Variants in RIMS3 observed in about 807,000 individuals in gnomAD.
The protein encoded by RIMS3 is regulating synaptic membrane exocytosis protein 3.
In RIMS3, 15 loss-of-function variants were observed where a neutral mutation model predicts 29.2. The ratio of observed to expected loss-of-function variants is 0.51; its 90% confidence interval spans 0.34 to 0.79. RIMS3 has a LOEUF of 0.79. RIMS3 is among the 30% of genes least tolerant of loss of function. The probability of loss-of-function intolerance (pLI) is 0.01; values close to 1 mark genes in which losing one functional copy is unlikely to be tolerated. For missense variants in RIMS3, 342 were observed against 421.4 expected (o/e 0.81, Z 1.65); for synonymous variants, 161 against 170.1 (o/e 0.95, Z 0.41).
the RIMS3 span, among the ~76,000 whole-genome samples, chr1:40,689,048 T>C: frequency 2.0e-5 from 3 of 152,212 alleles, no homozygotes; most frequent in South Asian, 2.1e-4. Context: ...GCTAGCATGT[T>C]ATGCTGCAGT....
chr1:40,673,895 C>T, the RIMS3 span, among the ~76,000 whole-genome samples: 1 of 152,088 alleles, frequency 6.6e-6, no homozygotes, highest in Admixed American at 6.6e-5. Flanking sequence ...GTGCTGGCAT[C>T]ACAGGGGAGT....
At chr1:40,678,688 C>A in the RIMS3 span, among the ~76,000 whole-genome samples, 1 of 152,228 alleles carries the variant, frequency 6.6e-6, no homozygotes, top group Admixed American at 6.5e-5. Flanking sequence ...TTTCCCTGTG[C>A]TTGCTCCAGA....
Position 40,641,930 on chromosome 1 carries a change from C to A in RIMS3, c.-5G>T. The A allele has an allele frequency of 6.2e-7, 1 of 1,612,666 alleles. No homozygotes were observed. Among genetic ancestry groups the A allele is most frequent in the Non-Finnish European group, 8.5e-7 (1 of 1,179,306 alleles). On this transcript the variant is annotated 5_prime_UTR_variant, in exon 3 of 8. Transcript: ENST00000372684. ...ACCTGGCTCCCCGTTAAACATGGTC[C>A]CCGGGGTGGCAGGGCCTCAGGCAGC...
At chr1:40,630,328 G>A (rs1365740201) in intron 5 of RIMS3, among the ~76,000 whole-genome samples, 1 of 152,126 alleles carries the variant, frequency 6.6e-6, no homozygotes, top group Non-Finnish European at 1.5e-5. Context: ...CTGATTTCTA[G>A]GAACTCTTAG....
At chr1:40,637,967 G>T (rs1354903487) in intron 3 of RIMS3, among the ~76,000 whole-genome samples, 1 of 152,078 alleles carries the variant, frequency 6.6e-6, no homozygotes, top group Non-Finnish European at 1.5e-5. Flanking sequence ...AGCCTGAGTT[G>T]GGGTCACCTC....
chr1:40,623,147 C>G lies in RIMS3; in HGVS notation c.*3370G>C. 1 of 345,290 alleles carries G rather than the reference C, an allele frequency of 2.9e-6. No individual in the cohort carries two copies. The highest frequency in any genetic ancestry group is 5.2e-6 in the Non-Finnish European group (1 of 192,692). 21.4% of individuals were successfully genotyped at this position (345,290 alleles called of 1,614,324 possible). ...TTCTTGGAGCTCCTGGGTTCTGCCTCAGCCCCCATGAAATGCTGGCATTGC... is the reference window on the plus strand; with the variant it reads ...TTCTTGGAGCTCCTGGGTTCTGCCTGAGCCCCCATGAAATGCTGGCATTGC... On this transcript the variant is annotated 3_prime_UTR_variant, in exon 8 of 8. Transcript: ENST00000372684.
At chr1:40,666,286 C>T (rs975052353), upstream of RIMS3, among the ~76,000 whole-genome samples, 5 of 152,132 alleles carry the variant, frequency 3.3e-5, no homozygotes, top group African/African-American at 1.2e-4. Context: ...ATTTTGCCCC[C>T]CAGGGAACAT....
chr1:40,650,424 TG>T (rs2148355286), intron 1 of RIMS3, among the ~76,000 whole-genome samples: 1 of 152,318 alleles, frequency 6.6e-6, no homozygotes, highest in South Asian at 2.1e-4. Flanking sequence ...TCCCATTTCC[TG>T]CAGGACAAAG....
Position 40,623,567 on chromosome 1 carries a change from C to T in RIMS3, c.*2950G>A, listed in dbSNP as rs907851431. The T allele has an allele frequency of 7.5e-6, 3 of 398,562 alleles. No homozygotes were observed. Among genetic ancestry groups the T allele is most frequent in the African/African-American group, 6.2e-5 (3 of 48,622 alleles). The allele number at this position is 398,562 out of a possible 1,614,324, so 24.7% of individuals were successfully genotyped here. A position where few individuals can be genotyped will look rare whatever the true frequency, so the allele number is the denominator to read the frequency against. On this transcript the variant is annotated 3_prime_UTR_variant, in exon 8 of 8. Coordinates refer to ENST00000372684, the MANE Select transcript of RIMS3 (RefSeq NM_014747.3). Reference sequence around the variant, plus strand: ...TCCTGTAACCACTGCAGGGTTTCATCTGGGCAAGGGGGCATTTGGAGCCGG... The same window carrying T: ...TCCTGTAACCACTGCAGGGTTTCATTTGGGCAAGGGGGCATTTGGAGCCGG...
At position 40,626,404 on chromosome 1, in the gene RIMS3, G is replaced by T; in HGVS notation, c.*113C>A. 1 of 993,024 alleles carries T rather than the reference G, an allele frequency of 1.0e-6. No homozygotes were observed. 61.5% of individuals were successfully genotyped at this position (993,024 alleles called of 1,614,324 possible). A position where few individuals can be genotyped will look rare whatever the true frequency, so the allele number is the denominator to read the frequency against. ...GCTGGGATGAGCCCAGTAGCCAACA[G>T]GCATGCAGCAGGACAAGGGGTCCAG... On this transcript the variant is annotated 3_prime_UTR_variant, in exon 8 of 8. Coordinates refer to ENST00000372684, the MANE Select transcript of RIMS3 (RefSeq NM_014747.3).
upstream of RIMS3, among the ~76,000 whole-genome samples, chr1:40,667,509 A>T (rs1318082400): frequency 6.6e-6 from 1 of 152,160 alleles, no homozygotes; most frequent in Non-Finnish European, 1.5e-5. Flanking sequence ...AAAACTTAGC[A>T]CTATCTCTCT....
chr1:40,627,962 G>C (rs1274052754), intron 7 of RIMS3, among the ~76,000 whole-genome samples: 1 of 152,172 alleles, frequency 6.6e-6, no homozygotes, highest in South Asian at 2.1e-4. Context: ...TCAGCCCAGA[G>C]GAGCAGCCCT....
At chr1:40,679,123 C>G in the RIMS3 span, among the ~76,000 whole-genome samples, 8 of 152,354 alleles carry the variant, frequency 5.3e-5, no homozygotes, top group African/African-American at 1.9e-4. Context: ...CTGGGGCCTG[C>G]AGCTACCCAA....
At chr1:40,649,943 C>T (rs1294526990) in intron 1 of RIMS3, among the ~76,000 whole-genome samples, 3 of 152,184 alleles carry the variant, frequency 2.0e-5, no homozygotes, top group Non-Finnish European at 2.9e-5. Flanking sequence ...AGACTCCAGA[C>T]ATACCTTGAG....
upstream of RIMS3, among the ~76,000 whole-genome samples, chr1:40,668,795 C>T (rs546175266): frequency 2.6e-5 from 4 of 152,234 alleles, no homozygotes; most frequent in East Asian, 5.8e-4. Flanking sequence ...AATGACAAAA[C>T]GGAGGGGATA....
chr1:40,691,812 C>T, the RIMS3 span: 1 of 445,424 alleles, frequency 2.2e-6, no homozygotes, highest in Non-Finnish European at 4.5e-6. Flanking sequence ...TCTGCATTGC[C>T]CGACTCCGTA....
At chr1:40,667,123 C>A, upstream of RIMS3, among the ~76,000 whole-genome samples, 1 of 152,264 alleles carries the variant, frequency 6.6e-6, no homozygotes, top group East Asian at 1.9e-4. Context: ...AGTCATCCTA[C>A]GCCTTCCCTT....
chr1:40,629,075 G>C, intron 6 of RIMS3, 126 bp from the exon 7 acceptor site: 1 of 1,267,160 alleles, frequency 7.9e-7, no homozygotes, highest in Non-Finnish European at 1.1e-6. Context: ...CCAGTGGACA[G>C]CAGGCAGAAG....
In RIMS3 at chr1:40,628,844, A is replaced by G. The variant is rs1263665352; in HGVS notation, c.680T>C (p.Leu227Pro). The G allele has an allele frequency of 6.2e-7, 1 of 1,614,156 alleles. No homozygotes were observed. Among genetic ancestry groups the G allele is most frequent in the South Asian group, 1.1e-5 (1 of 91,084 alleles). ...CTTGCCCTGGGGTCCCTCGTCAAAG[A>G]GCAGAGCCTGCTGGTACAGGGGATC... ...TCDPLYQQAL[L>P]FDEGPQGKVL... Residue 227 changes from leucine (L) to proline (P), a missense_variant, in exon 7 of 8, where the codon CTC (leucine) becomes CCC (proline). Coordinates refer to ENST00000372684, the MANE Select transcript of RIMS3 (RefSeq NM_014747.3).
Sources: allele counts gnomAD v4.1 joint callset (sites outside exome capture counted in the v4.1 genomes callset), GRCh38; gene constraint gnomAD v4.1.1; transcripts MANE v1.5; gene names NCBI Gene and HGNC (gene_info 2026-07-23, HGNC 2026-07-21).